The following VPS53 variants were observed in gnomAD, a reference collection of about 807,000 sequenced individuals.
The protein encoded by VPS53 is vacuolar protein sorting-associated protein 53 homolog.
Under a neutral mutation model 107.0 loss-of-function variants are expected in VPS53, and 70 were observed. The ratio of observed to expected loss-of-function variants is 0.65; its 90% CI spans 0.54 to 0.80. The LOEUF is 0.80. VPS53 is among the 30% of genes least tolerant of loss of function. The pLI is 0.00. For missense variants in VPS53, 917 were observed against 1,049.4 expected, an observed-to-expected ratio of 0.87 and a Z score of 1.74; for synonymous variants, 409 against 393.3, an observed-to-expected ratio of 1.04 and a Z score of -0.47.
chr17:711,107 G>A (rs941270989), intron 1 of VPS53, among the ~76,000 whole-genome samples: 5 of 152,164 alleles, frequency 3.3e-5, no homozygotes, highest in African/African-American at 9.7e-5. Context: ...CTACGTGGGA[G>A]GCTGAGATGG....
chr17:580,329 A>C lies in VPS53; in HGVS notation c.1313+5941T>G, dbSNP rs149787004. Among the ~76,000 whole-genome samples, 438 of 151,194 alleles carry C rather than the reference A, an allele frequency of 2.9e-3. 3 individuals carry two copies. Among genetic ancestry groups the C allele is most frequent in the African/African-American group, 0.01 (413 of 41,128 alleles). ...CCCAGAGAACCTCCCTCAGAACCTC[A>C]GTGCGTTTCCAGAGAACCTCCCTCA... On this transcript the variant is annotated intron_variant, in intron 13 of 21. Transcript: ENST00000437048.
chr17:599,434 G>A (rs1399339946), intron 12 of VPS53, among the ~76,000 whole-genome samples: 1 of 151,820 alleles, frequency 6.6e-6, no homozygotes. Flanking sequence ...TTGGGATCCT[G>A]TTGATCTGTG....
At chr17:598,724 GCAA>G (rs1349241448) in intron 12 of VPS53, among the ~76,000 whole-genome samples, 2 of 103,928 alleles carry the variant, frequency 1.9e-5, no homozygotes, top group East Asian at 5.2e-4. Flanking sequence ...CCTCTGCCCG[GCAA>G]CCGCCCCGTC....
At chr17:657,944 A>C (rs150676951) in intron 5 of VPS53, among the ~76,000 whole-genome samples, 1 of 144,944 alleles carries the variant, frequency 6.9e-6, no homozygotes, top group Non-Finnish European at 1.5e-5. Context: ...ACATCGCACT[A>C]AAGTGAGAAA....
chr17:540,173 A>T (rs1910512963), intron 17 of VPS53, among the ~76,000 whole-genome samples: 1 of 150,992 alleles, frequency 6.6e-6, no homozygotes, highest in Non-Finnish European at 1.5e-5. Context: ...CATAGTGATC[A>T]AGCAAAGGAC....
In VPS53 at chr17:517,418, A is replaced by C. The variant is rs977433711; in HGVS notation, c.*1710T>G. 4 of 399,372 alleles carry C rather than the reference A, an allele frequency of 1.0e-5. No homozygotes were observed. Among genetic ancestry groups the C allele is most frequent in the Non-Finnish European group, 1.3e-5 (3 of 226,384 alleles). 24.7% of individuals were successfully genotyped at this position (399,372 alleles called of 1,614,324 possible). A position where few individuals can be genotyped will look rare whatever the true frequency, so the allele number is the denominator to read the frequency against. ...GGCACAGAGCAGTGGTTATGTTGGG[A>C]AACAAGGTGGGGATGAGGAAATCAG... On this transcript the variant is annotated 3_prime_UTR_variant, in exon 22 of 22. Coordinates refer to ENST00000437048, the MANE Select transcript of VPS53 (RefSeq NM_001128159.3).
At position 586,253 on chromosome 17, in the gene VPS53, G is replaced by A. The variant is rs751349599; in HGVS notation, c.1313+17C>T. The A allele has an allele frequency of 3.7e-6, 6 of 1,611,282 alleles. No homozygotes were observed. In the Admixed American group the frequency reaches 5.0e-5, roughly 13 times the overall value. On this transcript the variant is annotated intron_variant, in intron 13 of 21. Coordinates refer to ENST00000437048, the MANE Select transcript of VPS53 (RefSeq NM_001128159.3). ...GCGAGAAATGCAGGCAGAAAACAGC[G>A]AATGTTCCTCACTCACTTGTCTTGG...
chr17:533,558 A>C (rs1474920419), intron 18 of VPS53, among the ~76,000 whole-genome samples: 1 of 152,146 alleles, frequency 6.6e-6, no homozygotes, highest in Non-Finnish European at 1.5e-5. Flanking sequence ...CCTTTCCTAG[A>C]AGGGGCTTGT....
intron 13 of VPS53, among the ~76,000 whole-genome samples, chr17:570,868 G>A (rs191396203): frequency 6.6e-6 from 1 of 152,192 alleles, no homozygotes; most frequent in East Asian, 1.9e-4. Context: ...TTATGTGAGG[G>A]GTCTGGGATT....
Position 560,455 on chromosome 17 carries a change from C to A in VPS53, c.1675G>T (p.Ala559Ser). The A allele has an allele frequency of 6.2e-7, 1 of 1,612,560 alleles. No individual in the cohort carries two copies. The highest frequency in any genetic ancestry group is 1.1e-5 in the South Asian group (1 of 90,990). The change falls in exon 15 of 22, where the codon GCA becomes TCA. Residue 559 changes from alanine (A) to serine (S), a missense_variant. Physicochemically the swap from Ala to Ser is moderately conservative, Grantham distance 99. Transcript: ENST00000437048. ...TGGGTGGTGGCCAGACAGTACTCTG[C>A]CGTGCTCAGGATGTTACAGATGAGG... ...LCLICNILST[A>S]EYCLATTQQL... is the part of the protein sequence containing the mutation.
At chr17:656,874 G>A (rs1597446639) in intron 5 of VPS53, 2 of 1,581,212 alleles carry the variant, frequency 1.3e-6, no homozygotes, top group South Asian at 1.1e-5. Flanking sequence ...CCTCGGGGAA[G>A]AGAAATCCAT....
At chr17:623,249 G>A (rs1476020795) in intron 11 of VPS53, among the ~76,000 whole-genome samples, 1 of 152,176 alleles carries the variant, frequency 6.6e-6, no homozygotes, top group Non-Finnish European at 1.5e-5. Flanking sequence ...ATTTGTGACT[G>A]AGTAAGGCCT....
At chr17:702,981 G>A (rs1973263446) in intron 2 of VPS53, among the ~76,000 whole-genome samples, 1 of 152,204 alleles carries the variant, frequency 6.6e-6, no homozygotes, top group Non-Finnish European at 1.5e-5. Context: ...CAAGGTACGT[G>A]GGTTTCCTAA....
chr17:574,582 T>A (rs760397938), intron 13 of VPS53, among the ~76,000 whole-genome samples: 21 of 151,954 alleles, frequency 1.4e-4, no homozygotes, highest in Admixed American at 5.2e-4. Context: ...CTGGGCAACA[T>A]GGCAAAACTG....
At chr17:661,538 T>A (rs367748293) in intron 5 of VPS53, among the ~76,000 whole-genome samples, 256 of 115,130 alleles carry the variant, frequency 2.2e-3, no homozygotes, top group East Asian at 5.3e-3. Context: ...AAAAAAAAAA[T>A]ACCCAAAAAA....
chr17:519,046 G>T lies in VPS53; in HGVS notation c.*82C>A. On this transcript the variant is annotated 3_prime_UTR_variant, in exon 22 of 22. Transcript: ENST00000437048. This position sits in a 1 kb window ranked among gnomAD's most constrained non-coding sequence, Gnocchi z 5.0. ...TGAAGACCGACGATGTGAGAGTGCCGGGGAGCACAGGAGAGGTTGGGGGCT... is the reference window on the plus strand; with the variant it reads ...TGAAGACCGACGATGTGAGAGTGCCTGGGAGCACAGGAGAGGTTGGGGGCT... The T allele has an allele frequency of 7.2e-7, 1 of 1,389,400 alleles. No individual in the cohort carries two copies. Among genetic ancestry groups the T allele is most frequent in the Non-Finnish European group, 9.5e-7 (1 of 1,050,250 alleles). 86.1% of individuals were successfully genotyped at this position (1,389,400 alleles called of 1,614,324 possible). A position where few individuals can be genotyped will look rare whatever the true frequency, so the allele number is the denominator to read the frequency against.
chr17:650,096 C>T (rs1304771904), intron 7 of VPS53, among the ~76,000 whole-genome samples: 1 of 152,074 alleles, frequency 6.6e-6, no homozygotes, highest in Non-Finnish European at 1.5e-5. Flanking sequence ...AACAAGAATT[C>T]CACAAGGAAA....
chr17:546,784 A>T (rs1314426159), intron 17 of VPS53, among the ~76,000 whole-genome samples: 1 of 152,082 alleles, frequency 6.6e-6, no homozygotes, highest in Non-Finnish European at 1.5e-5. Flanking sequence ...CAGTCACTTC[A>T]GAAAACAGTG....
intron 15 of VPS53, among the ~76,000 whole-genome samples, chr17:558,405 G>T (rs370133556): frequency 6.8e-6 from 1 of 147,946 alleles, no homozygotes; most frequent in Non-Finnish European, 1.5e-5. Flanking sequence ...AGGCCAAGAC[G>T]GGCAGATCAC....
Sources: allele counts gnomAD v4.1 joint callset (sites outside exome capture counted in the v4.1 genomes callset), GRCh38; gene constraint gnomAD v4.1.1; non-coding constraint Gnocchi (gnomAD v3.1); transcripts MANE v1.5; gene names NCBI Gene and HGNC (gene_info 2026-07-23, HGNC 2026-07-21).